CHRNG: variants seen among roughly 807,000 people sequenced by gnomAD.
The protein encoded by CHRNG is cholinergic receptor nicotinic gamma subunit.
In CHRNG, 72 loss-of-function variants were observed where a neutral mutation model predicts 65.2. The observed-to-expected ratio is 1.10, with a 90% confidence interval of 0.91 to 1.34. CHRNG has a LOEUF of 1.34. Among genes scored for constraint, CHRNG ranks in the 40% most tolerant of loss-of-function variants. The pLI, the probability that CHRNG is intolerant of heterozygous loss-of-function variation, is 0.00. For missense variants in CHRNG, 637 were observed against 680.1 expected, an observed-to-expected ratio of 0.94 and a Z score of 0.70; for synonymous variants, 284 against 290.2, an observed-to-expected ratio of 0.98 and a Z score of 0.22.
At position 232,540,060 on chromosome 2, in the gene CHRNG, C is replaced by T. The variant is rs770466863; in HGVS notation, c.124C>T (p.Arg42Trp). 13 of 1,614,100 alleles carry T rather than the reference C, an allele frequency of 8.1e-6. No homozygotes were observed. Among genetic ancestry groups the T allele is most frequent in the Middle Eastern group, 1.6e-4 (1 of 6,084 alleles). Reference protein sequence around the residue: ...DLMQNYDPNLRPAERDSDVVN... With the variant: ...DLMQNYDPNLWPAERDSDVVN... ...GATGCAAAACTACGACCCCAACCTG[C>T]GGCCCGCGGAACGAGACTCGGATGT... Residue 42 changes from arginine (R) to tryptophan (W), a missense_variant, in exon 2 of 12, where the codon CGG becomes TGG. Coordinates refer to ENST00000651502, the MANE Select transcript of CHRNG (RefSeq NM_005199.5). This position sits in a 1 kb window ranked among gnomAD's most constrained non-coding sequence, Gnocchi z 4.2.
At chr2:232,542,855 C>G in intron 6 of CHRNG, 27 bp from the exon 7 acceptor site, 1 of 1,600,262 alleles carries the variant, frequency 6.2e-7, no homozygotes, top group South Asian at 1.1e-5. Context: ...TTCTTGTGCC[C>G]ACTCCTGCCT....
chr2:232,545,681 G>T lies in CHRNG; in HGVS notation c.1519G>T (p.Gly507Ter), dbSNP rs574529560. 1.2e-6 allele frequency: 2 copies of T among 1,614,152 alleles called. No individual in the cohort carries two copies. The highest frequency in any genetic ancestry group is 2.7e-5 in the African/African-American group (2 of 75,056). The change falls in exon 12 of 12, where the codon GGA (glycine) becomes TGA (stop). Residue 507 changes from glycine (G) to a stop codon, truncating the protein, a stop_gained. Transcript: ENST00000651502. LOFTEE classifies it high-confidence loss of function. ...YNRVPALPFPGDPRPYLPSPD is the reference protein window; with the variant it reads ...YNRVPALPFP ...CCGGGTGCCGGCCCTGCCATTCCCT[G>T]GAGATCCACGCCCCTACCTGCCCTC...
In CHRNG at chr2:232,543,393, A is replaced by C. The variant is rs1692057164; in HGVS notation, c.920+4A>C. Reference sequence around the variant, plus strand: ...AGGCGGTGCCACTCATCAGCAAGTAAGGCTGGTCTTCATGTCCACCCGCCT... The same window carrying C: ...AGGCGGTGCCACTCATCAGCAAGTACGGCTGGTCTTCATGTCCACCCGCCT... On this transcript the variant is annotated splice_donor_region_variant and intron_variant, in intron 8 of 11. Transcript: ENST00000651502. 6.2e-7 allele frequency: 1 copy of C among 1,602,706 alleles called. No homozygotes were observed. The highest frequency in any genetic ancestry group is 1.3e-5 in the African/African-American group (1 of 74,796).
Position 232,547,957 on chromosome 2 carries a change from C to G in CHRNG, c.*2241C>G. 1 of 448,476 alleles carries G rather than the reference C, an allele frequency of 2.2e-6. No individual in the cohort carries two copies. Among genetic ancestry groups the G allele is most frequent in the Non-Finnish European group, 3.9e-6 (1 of 257,058 alleles). The allele number at this position is 448,476 out of a possible 1,614,324, so 27.8% of individuals were successfully genotyped here. A position where few individuals can be genotyped will look rare whatever the true frequency, so the allele number is the denominator to read the frequency against. The stretch of plus-strand genomic sequence containing the variant: ...TCAGTTCCAGACCAACACAAGAAAG[C>G]AAGTCACATGAATGTTTTTGGTTTC... On this transcript the variant is annotated 3_prime_UTR_variant, in exon 12 of 12. Transcript: ENST00000651502.
At position 232,540,436 on chromosome 2, in the gene CHRNG, A is replaced by C. The variant is rs1574643252; in HGVS notation, c.240+11A>C. 1 of 1,613,456 alleles carries C rather than the reference A, an allele frequency of 6.2e-7. No individual in the cohort carries two copies. Reference sequence around the variant, plus strand: ...GTCTGGATAGAGATGGTAAGAGGCCACCCTGCCACCCTCCTTCCATCAGGG... The same window carrying C: ...GTCTGGATAGAGATGGTAAGAGGCCCCCCTGCCACCCTCCTTCCATCAGGG... On this transcript the variant is annotated intron_variant, in intron 3 of 11. Transcript: ENST00000651502. This position sits in a 1 kb window ranked among gnomAD's most constrained non-coding sequence, Gnocchi z 4.2.
Position 232,545,630 on chromosome 2 carries a change from G to A in CHRNG, c.1468G>A (p.Gly490Ser). The A allele has an allele frequency of 6.2e-7, 1 of 1,614,132 alleles. No individual in the cohort carries two copies. The highest frequency in any genetic ancestry group is 1.1e-5 in the South Asian group (1 of 91,086). ...CTCGCTCTTCATCTGTGGCACAGCT[G>A]GCATCTTCCTCATGGCCCACTACAA... Reference protein sequence around the residue: ...MLSLFICGTAGIFLMAHYNRV... With the variant: ...MLSLFICGTASIFLMAHYNRV... The change falls in exon 12 of 12, where the codon GGC (glycine) becomes AGC (serine). Residue 490 changes from glycine (G) to serine (S), a missense_variant. Physicochemically the swap from Gly to Ser is moderately conservative, Grantham distance 56. Coordinates refer to ENST00000651502, the MANE Select transcript of CHRNG (RefSeq NM_005199.5).
intron 11 of CHRNG, among the ~76,000 whole-genome samples, 174 bp from the exon 12 acceptor site, chr2:232,545,369 G>A (rs1692107037): frequency 6.6e-6 from 1 of 152,016 alleles, no homozygotes; most frequent in Admixed American, 6.5e-5. Context: ...GGGCAGGGGG[G>A]GCACCTCAGG....
chr2:232,543,732 G>A (rs577754250), intron 9 of CHRNG, 33 bp downstream of exon 9: 13 of 1,303,434 alleles, frequency 1.0e-5, no homozygotes, highest in South Asian at 2.4e-5. Context: ...TCAACATCCC[G>A]CTGCCCACTC....
chr2:232,542,290 T>TA (rs1352318510), intron 5 of CHRNG, 133 bp from the exon 6 acceptor site: 2 of 698,464 alleles, frequency 2.9e-6, no homozygotes, highest in Admixed American at 2.0e-5. Context: ...TGGGGTTTTA[T>TA]AGAGAACTCA....
chr2:232,540,426 G>T lies in CHRNG; in HGVS notation c.240+1G>T. 2 of 1,613,962 alleles carry T rather than the reference G, an allele frequency of 1.2e-6. No individual in the cohort carries two copies. Among genetic ancestry groups the T allele is most frequent in the Non-Finnish European group, 1.7e-6 (2 of 1,180,000 alleles). On this transcript the variant is annotated splice_donor_variant, in intron 3 of 11. Coordinates refer to ENST00000651502, the MANE Select transcript of CHRNG (RefSeq NM_005199.5). LOFTEE classifies it high-confidence loss of function. This position sits in a 1 kb window ranked among gnomAD's most constrained non-coding sequence, Gnocchi z 4.2. ...CACCACCAATGTCTGGATAGAGATG[G>T]TAAGAGGCCACCCTGCCACCCTCCT...
In CHRNG at chr2:232,543,073, C is replaced by G. The variant is rs1323196201; in HGVS notation, c.796C>G (p.Pro266Ala). ...SSVAILIHFL[P>A]AKAGGQKCTV... ...TGTCGCCATCCTCATCCACTTCCTT[C>G]CTGCCAAGGGTACCTGGAGCCTATG... The change falls in exon 7 of 12, where the codon CCT becomes GCT. Residue 266 changes from proline (P) to alanine (A), a missense_variant. Pro to Ala is a conservative substitution (Grantham distance 27). Coordinates refer to ENST00000651502, the MANE Select transcript of CHRNG (RefSeq NM_005199.5). 6.2e-7 allele frequency: 1 copy of G among 1,614,046 alleles called. No homozygotes were observed. Among genetic ancestry groups the G allele is most frequent in the Non-Finnish European group, 8.5e-7 (1 of 1,179,988 alleles).
intron 5 of CHRNG, 69 bp from the exon 6 acceptor site, chr2:232,542,354 A>G (rs1692034598): frequency 2.0e-6 from 2 of 999,564 alleles, no homozygotes; most frequent in South Asian, 2.6e-5. Flanking sequence ...TGTCCCCAGA[A>G]GGTCATCCCC....
rs1055176338 is a variant in CHRNG at position 232,544,474 on chromosome 2, G to A, written c.1143G>A (p.Trp381Ter). The change falls in exon 10 of 12, where the codon TGG becomes TGA. Residue 381 changes from tryptophan (W) to a stop codon, truncating the protein, a stop_gained. Transcript: ENST00000651502. LOFTEE classifies it high-confidence loss of function. ...QSRLQNGSSG[W>*]SITTGEEVAL... ...GGCTACAGAATGGCTCCTCGGGATG[G>A]TCGATCACAACTGGGGAGGAGGTGG... 6.2e-7 allele frequency: 1 copy of A among 1,613,766 alleles called. No homozygotes were observed. The highest frequency in any genetic ancestry group is 8.5e-7 in the Non-Finnish European group (1 of 1,179,992).
intron 8 of CHRNG, 90 bp downstream of exon 8, chr2:232,543,479 C>G (rs1468156569): frequency 1.7e-5 from 20 of 1,178,964 alleles, no homozygotes; most frequent in Non-Finnish European, 2.4e-5. Flanking sequence ...GCCCTCCATC[C>G]ACCCCCCCCA....
chr2:232,540,266 T>C lies in CHRNG; in HGVS notation c.196-115T>C. The C allele has an allele frequency of 6.3e-7, 1 of 1,587,452 alleles. No homozygotes were observed. Among genetic ancestry groups the C allele is most frequent in the Non-Finnish European group, 8.6e-7 (1 of 1,156,378 alleles). On this transcript the variant is annotated intron_variant, in intron 2 of 11. Transcript: ENST00000651502. This position sits in a 1 kb window ranked among gnomAD's most constrained non-coding sequence, Gnocchi z 4.2. ...GCTGGGGTCTGGAAAACCCCCATGG[T>C]TGTGGGGGGAGTACTATCAAGAGGC...
rs186405809 is a variant in CHRNG at position 232,540,374 on chromosome 2, C to A, written c.196-7C>A. 194 of 1,614,012 alleles carry A rather than the reference C, an allele frequency of 1.2e-4. No individual in the cohort carries two copies. The East Asian group carries it at 4.2e-3, about 35-fold the overall frequency. ...GAGCCCTCCATACTACACCCTTGCA[C>A]CCCCAGAACGAGCGAGAGGAAGCCC... On this transcript the variant is annotated splice_region_variant and splice_polypyrimidine_tract_variant and intron_variant, in intron 2 of 11. Coordinates refer to ENST00000651502, the MANE Select transcript of CHRNG (RefSeq NM_005199.5). This position sits in a 1 kb window ranked among gnomAD's most constrained non-coding sequence, Gnocchi z 4.2.
rs865993365 is a variant in CHRNG, at chr2:232,546,727, C to T, written c.*1011C>T. ...ATAGGCAAATTGAGCCTAGAGTAAG[C>T]GGGACTCCACACAACAGTGGTGGTT... On this transcript the variant is annotated 3_prime_UTR_variant, in exon 12 of 12. Coordinates refer to ENST00000651502, the MANE Select transcript of CHRNG (RefSeq NM_005199.5). Among the ~76,000 whole-genome samples the T allele has an allele frequency of 6.6e-6, 1 of 152,106 alleles. No homozygotes were observed. The highest frequency in any genetic ancestry group is 1.5e-5 in the Non-Finnish European group (1 of 68,022).
intron 11 of CHRNG, 33 bp from the exon 12 acceptor site, chr2:232,545,510 G>A (rs368822040): frequency 3.2e-5 from 52 of 1,603,692 alleles, no homozygotes; most frequent in Non-Finnish European, 4.0e-5. Flanking sequence ...TGGTGCCGCC[G>A]CTGGTTATCC....
intron 5 of CHRNG, among the ~76,000 whole-genome samples, 154 bp from the exon 6 acceptor site, chr2:232,542,269 T>C (rs755621662): frequency 6.6e-6 from 1 of 152,174 alleles, no homozygotes; most frequent in African/African-American, 2.4e-5. Flanking sequence ...CTGCTCTCCA[T>C]ATCTCGCCAG....
Sources: gnomAD v4.1 joint callset for allele counts (sites outside exome capture counted in the v4.1 genomes callset) on GRCh38, gnomAD v4.1.1 for gene constraint, Gnocchi (gnomAD v3.1) non-coding constraint, MANE v1.5 for transcripts, NCBI Gene and HGNC (gene_info 2026-07-23, HGNC 2026-07-21) for gene names.